Variants in ELOVL4 observed in about 807,000 individuals in gnomAD.
The protein encoded by ELOVL4 is ELOVL fatty acid elongase 4.
ELOVL4 carries 18 observed loss-of-function variants against 42.1 expected under a neutral mutation model. That is an observed-to-expected ratio of 0.43 (90% confidence interval 0.30 to 0.63). The LOEUF is 0.63. Among genes scored for constraint, ELOVL4 ranks in the 30% least tolerant of loss-of-function variants. The pLI is 0.15. For synonymous variants in ELOVL4, 117 were observed against 127.0 expected, an observed-to-expected ratio of 0.92 and a Z score of 0.53; for missense variants, 299 against 376.2, an observed-to-expected ratio of 0.79 and a Z score of 1.70.
At chr6:79,923,933 C>T (rs559493441) in intron 3 of ELOVL4, among the ~76,000 whole-genome samples, 1 of 152,164 alleles carries the variant, frequency 6.6e-6, no homozygotes, top group Non-Finnish European at 1.5e-5. Context: ...ATTGTCCACT[C>T]CCCATGCCAG....
chr6:79,919,396 A>T (rs1165746818), intron 5 of ELOVL4, 24 bp downstream of exon 5: 2 of 1,612,890 alleles, frequency 1.2e-6, no homozygotes, highest in African/African-American at 2.7e-5. Flanking sequence ...TTACCAGAAG[A>T]AACTTTGGAA....
At chr6:79,928,314 G>A (rs1405593850) in intron 1 of ELOVL4, among the ~76,000 whole-genome samples, 3 of 151,958 alleles carry the variant, frequency 2.0e-5, no homozygotes, top group Non-Finnish European at 2.9e-5. Flanking sequence ...AACAAAGAAA[G>A]GAAGATAAAT....
intron 1 of ELOVL4, among the ~76,000 whole-genome samples, chr6:79,930,963 A>G (rs1211838738): frequency 6.6e-6 from 1 of 152,134 alleles, no homozygotes; most frequent in Non-Finnish European, 1.5e-5. Context: ...AAAAGACTGA[A>G]AAACTTCGAC....
Position 79,930,592 on chromosome 6 carries a change from T to A in ELOVL4, c.101-4211A>T, listed in dbSNP as rs140602059. On this transcript the variant is annotated intron_variant, in intron 1 of 5. Coordinates refer to ENST00000369816, the MANE Select transcript of ELOVL4 (RefSeq NM_022726.4). ...TTTCCTTTTCCACTAAAAAGGGCTGTGTCACAATAGTGCCATACAACGATA... is the reference window on the plus strand; with the variant it reads ...TTTCCTTTTCCACTAAAAAGGGCTGAGTCACAATAGTGCCATACAACGATA... Among the ~76,000 whole-genome samples, 84 of 152,302 alleles carry A rather than the reference T, an allele frequency of 5.5e-4. 1 individual carries two copies. In the South Asian group the frequency reaches 8.3e-3, roughly 15 times the overall value.
At chr6:79,921,596 G>A (rs376188469) in intron 4 of ELOVL4, 29 bp downstream of exon 4, 30 of 1,590,052 alleles carry the variant, frequency 1.9e-5, no homozygotes, top group East Asian at 9.3e-5. Flanking sequence ...GCAATTAAAC[G>A]CAAGCAGTAT....
chr6:79,928,241 C>A (rs1443016997), intron 1 of ELOVL4, among the ~76,000 whole-genome samples: 1 of 152,098 alleles, frequency 6.6e-6, no homozygotes, highest in East Asian at 1.9e-4. Flanking sequence ...AAGGCAGGCG[C>A]TGTTTTTCCC....
intron 1 of ELOVL4, among the ~76,000 whole-genome samples, chr6:79,939,387 G>C (rs1292546715): frequency 6.6e-6 from 1 of 151,942 alleles, no homozygotes. Context: ...TGACTCTCTG[G>C]AACTTTTCTA....
intron 3 of ELOVL4, among the ~76,000 whole-genome samples, chr6:79,922,795 T>C (rs1774280589): frequency 6.6e-6 from 1 of 152,128 alleles, no homozygotes. Context: ...GGCTTTTGCA[T>C]TTGAAAAACA....
chr6:79,933,829 C>T (rs940562411), intron 1 of ELOVL4, among the ~76,000 whole-genome samples: 3 of 152,132 alleles, frequency 2.0e-5, no homozygotes, highest in Admixed American at 6.5e-5. Flanking sequence ...GGTTAGGGAG[C>T]TGCACTGGCA....
rs1774579599 is a variant in ELOVL4, at chr6:79,938,141, G to A, written c.100+9039C>T. ...AAAATATATCTCGAGAGAGAGAGCT[G>A]AAGAATGTTGCCTCGTTTCCTGGAA... On this transcript the variant is annotated intron_variant, in intron 1 of 5. Transcript: ENST00000369816. 4.6e-5 allele frequency among the ~76,000 whole-genome samples: 7 copies of A among 152,328 alleles called. No homozygotes were observed. The South Asian group carries it at 1.5e-3, about 32-fold the overall frequency.
intron 1 of ELOVL4, among the ~76,000 whole-genome samples, chr6:79,940,086 G>A (rs1774621770): frequency 6.6e-6 from 1 of 152,082 alleles, no homozygotes; most frequent in Admixed American, 6.5e-5. Context: ...TATAAAATTA[G>A]TTAAAAACAC....
chr6:79,945,822 C>A (rs924805974), intron 1 of ELOVL4, among the ~76,000 whole-genome samples: 1 of 151,990 alleles, frequency 6.6e-6, no homozygotes, highest in Non-Finnish European at 1.5e-5. Flanking sequence ...AAGAAACACT[C>A]CATTGAAAAC....
At position 79,947,538 on chromosome 6, in the gene ELOVL4, C is replaced by CGCTGCACCAGTCT. The variant is rs200403099; in HGVS notation, c.-272_-260dup. On this transcript the variant is annotated 5_prime_UTR_variant, in exon 1 of 6. Coordinates refer to ENST00000369816, the MANE Select transcript of ELOVL4 (RefSeq NM_022726.4). ...AGGAGGCCCAGCCGCCAGCACAGTG[C>CGCTGCACCAGTCT]GCTGCACCAGTCTGCAGCCTCGCGC... The CGCTGCACCAGTCT allele has an allele frequency of 2.8e-3, 1,417 of 498,374 alleles. 21 individuals are homozygous for CGCTGCACCAGTCT. The highest frequency in any genetic ancestry group is 0.025 in the African/African-American group (1,252 of 49,930). The allele number at this position is 498,374 out of a possible 1,614,324, so 30.9% of individuals were successfully genotyped here.
chr6:79,926,401 C>T lies in ELOVL4; in HGVS notation c.101-20G>A, dbSNP rs1038655642. On this transcript the variant is annotated intron_variant, in intron 1 of 5. Transcript: ENST00000369816. Reference sequence around the variant, plus strand: ...GCTTATCTATAGAGAGAACAAAATACCATAAAATTCATTAATCAGTAAATG... The same window carrying T: ...GCTTATCTATAGAGAGAACAAAATATCATAAAATTCATTAATCAGTAAATG... 7 of 1,605,028 alleles carry T rather than the reference C, an allele frequency of 4.4e-6. No homozygotes were observed. The highest frequency in any genetic ancestry group is 6.0e-6 in the Non-Finnish European group (7 of 1,172,978).
At chr6:79,919,012 C>T (rs937968569) in intron 5 of ELOVL4, among the ~76,000 whole-genome samples, 1 of 151,892 alleles carries the variant, frequency 6.6e-6, no homozygotes, top group Non-Finnish European at 1.5e-5. Flanking sequence ...AAATAAAAAA[C>T]AAAATTTTTA....
chr6:79,917,043 T>C (rs1220037802), intron 5 of ELOVL4, among the ~76,000 whole-genome samples, 160 bp from the exon 6 acceptor site: 2 of 152,180 alleles, frequency 1.3e-5, no homozygotes, highest in African/African-American at 2.4e-5. Context: ...CATTCACAAC[T>C]CAAATGCCAT....
intron 1 of ELOVL4, among the ~76,000 whole-genome samples, chr6:79,932,024 C>T (rs1774453777): frequency 6.6e-6 from 1 of 152,192 alleles, no homozygotes; most frequent in African/African-American, 2.4e-5. Flanking sequence ...CACCTTAACC[C>T]TTGCGGACCC....
intron 1 of ELOVL4, among the ~76,000 whole-genome samples, chr6:79,941,030 T>A (rs1315629440): frequency 6.6e-6 from 1 of 152,180 alleles, no homozygotes; most frequent in Non-Finnish European, 1.5e-5. Context: ...AATCTGTTAT[T>A]TGTACTATTT....
chr6:79,928,729 T>TTG (rs1268469653), intron 1 of ELOVL4, among the ~76,000 whole-genome samples: 23 of 127,740 alleles, frequency 1.8e-4, no homozygotes, highest in Non-Finnish European at 2.9e-4. Flanking sequence ...GTGACTGGGT[T>TTG]TTTTTTTTTT....
Sources: allele counts gnomAD v4.1 joint callset (sites outside exome capture counted in the v4.1 genomes callset), GRCh38; gene constraint gnomAD v4.1.1; transcripts MANE v1.5; gene names NCBI Gene and HGNC (gene_info 2026-07-23, HGNC 2026-07-21).